SLC22A4: variants seen among roughly 807,000 people sequenced by gnomAD.
SLC22A4 encodes solute carrier family 22 member 4.
Under a neutral mutation model 56.6 loss-of-function variants are expected in SLC22A4, and 39 were observed. The observed-to-expected ratio is 0.69, with a 90% CI of 0.53 to 0.90. The LOEUF is 0.90. Among genes scored for constraint, SLC22A4 ranks in the 40% least tolerant of loss-of-function variants. The pLI is 0.00. For missense variants in SLC22A4, 594 were observed against 696.5 expected (o/e 0.85, Z 1.66); for synonymous variants, 241 against 281.4 (o/e 0.86, Z 1.44).
At chr5:132,330,244 A>G (rs1185058625) in intron 5 of SLC22A4, among the ~76,000 whole-genome samples, 1 of 152,154 alleles carries the variant, frequency 6.6e-6, no homozygotes, top group Non-Finnish European at 1.5e-5. Flanking sequence ...ACTTCTTCAT[A>G]ATAAAAACTC....
Position 132,294,775 on chromosome 5 carries a change from G to C in SLC22A4, c.159G>C (p.Pro53=), listed in dbSNP as rs375954722. The change falls in exon 1 of 10, where the codon CCG becomes CCC. Residue 53 remains proline (P), a synonymous_variant. Coordinates refer to ENST00000200652, the MANE Select transcript of SLC22A4 (RefSeq NM_003059.3). This position sits in a 1 kb window ranked among gnomAD's most constrained non-coding sequence, Gnocchi z 5.6. ...AGTPEHRCRV[P]DAANLSSAWR... is the part of the protein sequence containing the mutation. ...CCCCGGAGCACCGCTGTCGAGTGCC[G>C]GACGCCGCGAACCTGAGCAGCGCCT... The C allele has an allele frequency of 3.1e-6, 5 of 1,613,468 alleles. No individual in the cohort carries two copies. The highest frequency in any genetic ancestry group is 8.5e-7 in the Non-Finnish European group (1 of 1,180,014).
At chr5:132,333,105 T>C (rs1215438771) in intron 6 of SLC22A4, among the ~76,000 whole-genome samples, 2 of 152,204 alleles carry the variant, frequency 1.3e-5, no homozygotes, top group African/African-American at 2.4e-5. Context: ...TTGGGTCTAG[T>C]ATGTGTAAAA....
chr5:132,298,005 T>C (rs951982188), intron 1 of SLC22A4, among the ~76,000 whole-genome samples: 7 of 152,220 alleles, frequency 4.6e-5, no homozygotes, highest in African/African-American at 9.6e-5. Flanking sequence ...AGTGAGGATG[T>C]AGAGAAATTG....
chr5:132,302,237 G>C (rs1749921463), intron 1 of SLC22A4, among the ~76,000 whole-genome samples: 1 of 152,122 alleles, frequency 6.6e-6, no homozygotes, highest in Admixed American at 6.5e-5. Context: ...TGGATAAACA[G>C]ACTTTGTCCA....
intron 8 of SLC22A4, among the ~76,000 whole-genome samples, chr5:132,339,955 T>C (rs921403845): frequency 1.3e-5 from 2 of 152,068 alleles, no homozygotes; most frequent in African/African-American, 2.4e-5. Context: ...ACCCAAGACA[T>C]GTAAGTGCTC....
chr5:132,329,976 T>C (rs938147593), intron 5 of SLC22A4, among the ~76,000 whole-genome samples: 8 of 152,194 alleles, frequency 5.3e-5, no homozygotes, highest in Non-Finnish European at 5.9e-5. Flanking sequence ...ACAGGACTGG[T>C]CCACAGGTCC....
rs1750761600 is a variant in SLC22A4 at position 132,328,830 on chromosome 5, TATATATATACACACACACACAC to T, written c.951+1429_951+1450del. Among the ~76,000 whole-genome samples the T allele has an allele frequency of 3.2e-4, 8 of 24,740 alleles. No homozygotes were observed. In the South Asian group the frequency reaches 4.4e-3, roughly 14 times the overall value. The allele number at this position is 24,740 out of a possible 152,430, so 16.2% of individuals were successfully genotyped here. On this transcript the variant is annotated intron_variant, in intron 5 of 9. Transcript: ENST00000200652. ...ATGGTTCTGGCAGTGCCTTTATATATATATATATACACACACACACACACACACACACACACACGCATATATA... is the reference window on the plus strand; with the variant it reads ...ATGGTTCTGGCAGTGCCTTTATATATACACACACACACACACGCATATATA...
intron 1 of SLC22A4, among the ~76,000 whole-genome samples, chr5:132,306,733 A>G (rs142244857): frequency 0.023 from 3,486 of 152,080 alleles, 120 homozygotes; most frequent in African/African-American, 0.081. Flanking sequence ...GGTGTGACCC[A>G]CCGCACCCAG....
intron 1 of SLC22A4, among the ~76,000 whole-genome samples, chr5:132,298,584 TAA>T (rs1749831725): frequency 6.6e-6 from 1 of 152,238 alleles, no homozygotes. Flanking sequence ...TAAAAATGGC[TAA>T]GATGGTAAAC....
At chr5:132,306,435 ATATATATAGTT>A (rs1750040622) in intron 1 of SLC22A4, among the ~76,000 whole-genome samples, 1 of 66,054 alleles carries the variant, frequency 1.5e-5, no homozygotes, top group African/African-American at 7.2e-5. Flanking sequence ...ATATATATAT[ATATATATAGTT>A]GTTGTTGTTG....
Position 132,334,771 on chromosome 5 carries a change from A to G in SLC22A4, c.1100A>G (p.His367Arg), listed in dbSNP as rs1306102734. 1 of 1,614,052 alleles carries G rather than the reference A, an allele frequency of 6.2e-7. No individual in the cohort carries two copies. Among genetic ancestry groups the G allele is most frequent in the South Asian group, 1.1e-5 (1 of 91,074 alleles). ...FALSLDAPNL[H>R]GDAYLNCFLS... ...CTGTCTCTGGATGCTCCTAATTTAC[A>G]TGGAGATGCCTACCTGAACTGTTTC... The change falls in exon 7 of 10, where the codon CAT becomes CGT. Residue 367 changes from histidine (H) to arginine (R), a missense_variant. His to Arg is a conservative substitution (Grantham distance 29). Transcript: ENST00000200652.
At chr5:132,308,887 C>T (rs1271196970) in intron 1 of SLC22A4, among the ~76,000 whole-genome samples, 1 of 152,202 alleles carries the variant, frequency 6.6e-6, no homozygotes, top group Non-Finnish European at 1.5e-5. Flanking sequence ...CCAGCCAGCT[C>T]CTTACCAGGA....
rs1309394224 is a variant in SLC22A4 at position 132,294,969 on chromosome 5, A to T, written c.353A>T (p.Glu118Val). Residue 118 changes from glutamate (E) to valine (V), a missense_variant, in exon 1 of 10, where the codon GAG becomes GTG. Transcript: ENST00000200652. This position sits in a 1 kb window ranked among gnomAD's most constrained non-coding sequence, Gnocchi z 5.6. ...CAGGAGAGCTGCCTGGATGGCTGGG[A>T]GTTCAGCCAGGACGTCTACCTGTCC... Reference protein sequence around the residue: ...LEQESCLDGWEFSQDVYLSTV... With the variant: ...LEQESCLDGWVFSQDVYLSTV... 3 of 1,607,162 alleles carry T rather than the reference A, an allele frequency of 1.9e-6. No homozygotes were observed. Among genetic ancestry groups the T allele is most frequent in the African/African-American group, 1.3e-5 (1 of 74,918 alleles).
chr5:132,339,420 A>G (rs1186321906), intron 8 of SLC22A4, among the ~76,000 whole-genome samples: 1 of 151,892 alleles, frequency 6.6e-6, no homozygotes, highest in Non-Finnish European at 1.5e-5. Context: ...TCTACTGGTG[A>G]GAAATGCAGA....
intron 4 of SLC22A4, among the ~76,000 whole-genome samples, chr5:132,326,053 CTGCT>C (rs1750679843): frequency 6.6e-6 from 1 of 152,240 alleles, no homozygotes; most frequent in African/African-American, 2.4e-5. Flanking sequence ...CTGTCCTGAG[CTGCT>C]ACTCTCTGCC....
intron 8 of SLC22A4, among the ~76,000 whole-genome samples, chr5:132,337,179 C>T (rs1042949210): frequency 1.3e-5 from 2 of 151,822 alleles, no homozygotes; most frequent in African/African-American, 2.4e-5. Flanking sequence ...TAGATATTCC[C>T]AAATTGAACT....
intron 1 of SLC22A4, among the ~76,000 whole-genome samples, chr5:132,308,526 G>A (rs1050413268): frequency 6.6e-6 from 1 of 151,768 alleles, no homozygotes; most frequent in African/African-American, 2.4e-5. Flanking sequence ...GATCCCCTGA[G>A]ATAATACACG....
Position 132,301,616 on chromosome 5 carries a change from C to T in SLC22A4, c.393+6607C>T, listed in dbSNP as rs3792876. Among the ~76,000 whole-genome samples, 10,908 of 152,254 alleles carry T rather than the reference C, an allele frequency of 0.072. 532 individuals carry two copies. The highest frequency in any genetic ancestry group is 0.27 in the East Asian group (1,387 of 5,166). On this transcript the variant is annotated intron_variant, in intron 1 of 9. Coordinates refer to ENST00000200652, the MANE Select transcript of SLC22A4 (RefSeq NM_003059.3). The stretch of plus-strand genomic sequence containing the variant: ...CCCAGAGGCGAGCCAGGTTATGTGG[C>T]GAAGGATAAGGCCTCTTCCCCTGCT...
At chr5:132,315,059 C>T (rs1439618574) in intron 3 of SLC22A4, among the ~76,000 whole-genome samples, 2 of 152,194 alleles carry the variant, frequency 1.3e-5, no homozygotes, top group African/African-American at 2.4e-5. Context: ...TTGTTGGAAA[C>T]TGGAGGTTGG....
Sources: allele counts gnomAD v4.1 joint callset (sites outside exome capture counted in the v4.1 genomes callset), GRCh38; gene constraint gnomAD v4.1.1; non-coding constraint Gnocchi (gnomAD v3.1); transcripts MANE v1.5; gene names NCBI Gene and HGNC (gene_info 2026-07-23, HGNC 2026-07-21).